Variants in PAK5 observed in about 807,000 individuals in gnomAD.
PAK5 encodes p21 (RAC1) activated kinase 5.
A neutral mutation model predicts 65.9 loss-of-function variants in PAK5; 16 were observed. The ratio of observed to expected loss-of-function variants is 0.24; its 90% CI spans 0.16 to 0.37. The LOEUF (loss-of-function observed/expected upper bound fraction) is 0.37, where lower values mean the gene tolerates loss of function less well. Ranked by LOEUF, PAK5 falls within the 10% of genes least tolerant of loss-of-function variation. The pLI, the probability that PAK5 is intolerant of heterozygous loss-of-function variation, is 1.00. For synonymous variants in PAK5, 371 were observed against 354.9 expected, an observed-to-expected ratio of 1.05 and a Z score of -0.51; for missense variants, 785 against 903.9, an observed-to-expected ratio of 0.87 and a Z score of 1.69.
chr20:9,571,880 G>GT (rs1555897704), intron 4 of PAK5, among the ~76,000 whole-genome samples: 5 of 144,518 alleles, frequency 3.5e-5, no homozygotes, highest in Non-Finnish European at 6.1e-5. Context: ...ATGATGGGGG[G>GT]GGGGGATGTG....
chr20:9,828,606 C>T (rs1978464977), intron 1 of PAK5, among the ~76,000 whole-genome samples: 1 of 152,140 alleles, frequency 6.6e-6, no homozygotes, highest in Non-Finnish European at 1.5e-5. Context: ...AAGGGGGCAA[C>T]ACAGCTGACA....
At chr20:9,599,367 G>A (rs545706059) in intron 3 of PAK5, among the ~76,000 whole-genome samples, 5 of 152,306 alleles carry the variant, frequency 3.3e-5, no homozygotes, top group Middle Eastern at 3.4e-3. Flanking sequence ...TATTTTGGGT[G>A]TACTGAGTAG....
Position 9,543,451 on chromosome 20 carries a change from G to A in PAK5, c.1870-731C>T, listed in dbSNP as rs189696050. 1.2e-3 allele frequency among the ~76,000 whole-genome samples: 176 copies of A among 152,150 alleles called. No individual in the cohort carries two copies. The Middle Eastern group carries it at 0.014, about 12-fold the overall frequency. Reference sequence around the variant, plus strand: ...ATACCTCTTATCTGATGAACGTATTGCTATTATTACCCCTTGCAGTGACCT... The same window carrying A: ...ATACCTCTTATCTGATGAACGTATTACTATTATTACCCCTTGCAGTGACCT... On this transcript the variant is annotated intron_variant, in intron 8 of 9. Transcript: ENST00000353224.
At chr20:9,594,999 A>G (rs942947577) in intron 3 of PAK5, among the ~76,000 whole-genome samples, 4 of 152,022 alleles carry the variant, frequency 2.6e-5, no homozygotes, top group African/African-American at 9.7e-5. Context: ...ATAAACACAT[A>G]TACACATACA....
At chr20:9,581,782 T>G (rs918315621) in intron 3 of PAK5, among the ~76,000 whole-genome samples, 4 of 152,208 alleles carry the variant, frequency 2.6e-5, no homozygotes, top group South Asian at 2.1e-4. Context: ...GCCTTGACAA[T>G]GACAGGATTT....
chr20:9,815,117 A>G (rs1401862045), intron 1 of PAK5, among the ~76,000 whole-genome samples: 1 of 152,132 alleles, frequency 6.6e-6, no homozygotes. Context: ...AGGAAATAAG[A>G]GTGAGAATTC....
intron 7 of PAK5, among the ~76,000 whole-genome samples, chr20:9,545,096 A>G (rs2045324137): frequency 6.6e-6 from 1 of 152,186 alleles, no homozygotes; most frequent in Non-Finnish European, 1.5e-5. Context: ...ATCTACCAAC[A>G]TGAACATCAA....
intron 3 of PAK5, among the ~76,000 whole-genome samples, chr20:9,601,587 C>T (rs2046360146): frequency 6.6e-6 from 1 of 152,116 alleles, no homozygotes; most frequent in South Asian, 2.1e-4. Flanking sequence ...TTCTTCCCTC[C>T]TTCCCTGTGA....
intron 1 of PAK5, among the ~76,000 whole-genome samples, chr20:9,745,403 T>C (rs1026381959): frequency 2.6e-5 from 4 of 151,966 alleles, no homozygotes; most frequent in Non-Finnish European, 5.9e-5. Context: ...AACTGTGACA[T>C]TGGTGACTCA....
At chr20:9,831,164 C>T (rs945271435) in intron 1 of PAK5, among the ~76,000 whole-genome samples, 4 of 152,202 alleles carry the variant, frequency 2.6e-5, no homozygotes, top group African/African-American at 9.7e-5. Flanking sequence ...ATATCTAGAC[C>T]TGGAACTGAC....
chr20:9,705,956 C>T (rs1397748235), intron 2 of PAK5, among the ~76,000 whole-genome samples: 4 of 151,944 alleles, frequency 2.6e-5, no homozygotes, highest in African/African-American at 4.8e-5. Flanking sequence ...GTGATTTGGG[C>T]GAGCTCCACA....
intron 3 of PAK5, among the ~76,000 whole-genome samples, chr20:9,641,975 C>T (rs1194453620): frequency 6.6e-6 from 1 of 152,172 alleles, no homozygotes; most frequent in African/African-American, 2.4e-5. Flanking sequence ...CCTCTCCCTC[C>T]ACACCTCCCT....
At chr20:9,784,335 A>G (rs2048971284) in intron 1 of PAK5, 1 of 152,186 alleles carries the variant, frequency 6.6e-6, no homozygotes, top group Non-Finnish European at 1.5e-5. Context: ...ATATATTTGA[A>G]TAAATTCAGC....
At chr20:9,607,157 T>C (rs1221969184) in intron 3 of PAK5, among the ~76,000 whole-genome samples, 1 of 152,146 alleles carries the variant, frequency 6.6e-6, no homozygotes, top group Non-Finnish European at 1.5e-5. Flanking sequence ...GACTGAGTGA[T>C]CAGAGTGAGC....
intron 1 of PAK5, among the ~76,000 whole-genome samples, chr20:9,810,374 A>G (rs558215154): frequency 1.3e-5 from 2 of 152,154 alleles, no homozygotes; most frequent in South Asian, 2.1e-4. Context: ...GGAGTTTGAG[A>G]ACAGCCTGGG....
In PAK5 at chr20:9,796,308, C is replaced by T. The variant is rs546319947; in HGVS notation, c.-162+42454G>A. ...TTCTATTGGATGGGTAGGAAGGTCC[C>T]TCTGAGGATGTAACTGATAATTTGG... On this transcript the variant is annotated intron_variant, in intron 1 of 9. Transcript: ENST00000353224. Among the ~76,000 whole-genome samples the T allele has an allele frequency of 3.9e-5, 6 of 152,002 alleles. No homozygotes were observed. In the South Asian group the frequency reaches 1.2e-3, roughly 32 times the overall value.
chr20:9,811,539 C>T (rs936581288), intron 1 of PAK5, among the ~76,000 whole-genome samples: 5 of 152,172 alleles, frequency 3.3e-5, no homozygotes, highest in Non-Finnish European at 7.3e-5. Context: ...CAACTACTTT[C>T]ACTCTCTTAA....
chr20:9,753,177 T>C (rs575572933), intron 1 of PAK5, among the ~76,000 whole-genome samples: 1 of 152,114 alleles, frequency 6.6e-6, no homozygotes, highest in Non-Finnish European at 1.5e-5. Context: ...ATAAGTGACA[T>C]AAATGCTTGT....
Position 9,538,124 on chromosome 20 carries a change from G to T in PAK5, c.*1338C>A, listed in dbSNP as rs1568949490. Reference sequence around the variant, plus strand: ...AAAGGCAAATCTATATTGGCCTACAGTTAACATGCAAATTCATCCAACAAG... The same window carrying T: ...AAAGGCAAATCTATATTGGCCTACATTTAACATGCAAATTCATCCAACAAG... On this transcript the variant is annotated 3_prime_UTR_variant, in exon 10 of 10. Coordinates refer to ENST00000353224, the MANE Select transcript of PAK5 (RefSeq NM_177990.4). The T allele has an allele frequency of 3.0e-5, 7 of 233,158 alleles. No individual in the cohort carries two copies. In the East Asian group the frequency reaches 4.2e-4, roughly 14 times the overall value. 14.4% of individuals were successfully genotyped at this position (233,158 alleles called of 1,614,324 possible). A position where few individuals can be genotyped will look rare whatever the true frequency, so the allele number is the denominator to read the frequency against.
Sources: allele counts gnomAD v4.1 joint callset (sites outside exome capture counted in the v4.1 genomes callset), GRCh38; gene constraint gnomAD v4.1.1; transcripts MANE v1.5; gene names NCBI Gene and HGNC (gene_info 2026-07-23, HGNC 2026-07-21).